The following GPR176 variants were observed in gnomAD, a reference collection of about 807,000 sequenced individuals.
GPR176 encodes G protein-coupled receptor 176.
In GPR176, 26 loss-of-function variants were observed where a neutral mutation model predicts 35.4. That is an observed-to-expected ratio of 0.74 (90% CI 0.54 to 1.02). The LOEUF (loss-of-function observed/expected upper bound fraction) is 1.02, where lower values mean the gene tolerates loss of function less well. Among genes scored for constraint, GPR176 ranks in the 50% least tolerant of loss-of-function variants. The pLI is 0.00. For missense variants in GPR176, 597 were observed against 665.3 expected, an observed-to-expected ratio of 0.90 and a Z score of 1.13; for synonymous variants, 278 against 271.3, an observed-to-expected ratio of 1.02 and a Z score of -0.24.
intron 1 of GPR176, among the ~76,000 whole-genome samples, chr15:39,843,928 TACG>T (rs758795572): frequency 1.8e-4 from 27 of 152,272 alleles, no homozygotes; most frequent in Non-Finnish European, 3.1e-4. Context: ...GTTAAACTGC[TACG>T]ACAATATTAT....
At chr15:39,814,310 T>A (rs1899757415) in intron 1 of GPR176, among the ~76,000 whole-genome samples, 1 of 152,248 alleles carries the variant, frequency 6.6e-6, no homozygotes. Flanking sequence ...CACCCTCTTC[T>A]GAAAACTGGG....
At chr15:39,855,801 A>T (rs2031177122) in intron 1 of GPR176, among the ~76,000 whole-genome samples, 1 of 152,226 alleles carries the variant, frequency 6.6e-6, no homozygotes, top group Non-Finnish European at 1.5e-5. Flanking sequence ...CTCTGATCAA[A>T]TAAAGACAGT....
At chr15:39,889,294 T>C (rs956961572) in intron 1 of GPR176, among the ~76,000 whole-genome samples, 2 of 152,178 alleles carry the variant, frequency 1.3e-5, no homozygotes, top group Non-Finnish European at 2.9e-5. Context: ...ACGCCTGTAA[T>C]CCCAACACTT....
At chr15:39,845,455 C>T (rs34111687) in intron 1 of GPR176, among the ~76,000 whole-genome samples, 43,551 of 150,862 alleles carry the variant, frequency 0.29, 7,133 homozygotes, top group Non-Finnish European at 0.38. Context: ...AGAAAAGGAG[C>T]GGCAGTACTA....
At chr15:39,835,494 A>G (rs961568917) in intron 1 of GPR176, among the ~76,000 whole-genome samples, 1 of 150,420 alleles carries the variant, frequency 6.6e-6, no homozygotes, top group Non-Finnish European at 1.5e-5. Context: ...GAGATAGTCC[A>G]GGACTGATTA....
In GPR176 at chr15:39,882,742, G is replaced by T. The variant is rs868502854; in HGVS notation, c.172+37113C>A. ...TTCAAGTGTGAATATAATCAGATCT[G>T]AGTATATGTTTTCTCAGCATGTTCT... On this transcript the variant is annotated intron_variant, in intron 1 of 2. Transcript: ENST00000561100. 3.3e-5 allele frequency among the ~76,000 whole-genome samples: 5 copies of T among 152,316 alleles called. No individual in the cohort carries two copies. The South Asian group carries it at 1.0e-3, about 32-fold the overall frequency.
intron 1 of GPR176, among the ~76,000 whole-genome samples, chr15:39,887,499 A>G (rs1440157062): frequency 6.6e-6 from 1 of 152,150 alleles, no homozygotes; most frequent in Non-Finnish European, 1.5e-5. Flanking sequence ...GGGCAAATGA[A>G]TCATTCATCC....
At chr15:39,811,178 TTG>T (rs1425819537) in intron 1 of GPR176, among the ~76,000 whole-genome samples, 2 of 152,082 alleles carry the variant, frequency 1.3e-5, no homozygotes, top group Non-Finnish European at 2.9e-5. Flanking sequence ...TTTAGAATAT[TTG>T]TGTTTTTAAT....
intron 1 of GPR176, among the ~76,000 whole-genome samples, chr15:39,876,884 CAG>C (rs1262327013): frequency 8.0e-5 from 12 of 149,532 alleles, no homozygotes; most frequent in East Asian, 2.0e-4. Context: ...GAGACAGAGA[CAG>C]AGAGAGAGAG....
At chr15:39,896,587 T>G (rs2033121157) in intron 1 of GPR176, among the ~76,000 whole-genome samples, 1 of 152,240 alleles carries the variant, frequency 6.6e-6, no homozygotes, top group South Asian at 2.1e-4. Context: ...TCTCTACTAT[T>G]TTATAATTAG....
At chr15:39,803,476 C>T (rs956306991) in intron 2 of GPR176, among the ~76,000 whole-genome samples, 24 of 151,728 alleles carry the variant, frequency 1.6e-4, no homozygotes, top group African/African-American at 4.6e-4. Context: ...GACGGAGTTT[C>T]GCCATGTTGG....
chr15:39,919,804 GC>G, intron 1 of GPR176, 50 bp downstream of exon 1: 1 of 1,343,154 alleles, frequency 7.4e-7, no homozygotes, highest in Non-Finnish European at 9.6e-7. Context: ...GGCTCTCCGA[GC>G]CTGTACCCTC....
intron 1 of GPR176, among the ~76,000 whole-genome samples, chr15:39,828,920 G>C (rs28565083): frequency 0.11 from 16,291 of 152,216 alleles, 1,212 homozygotes; most frequent in Admixed American, 0.24. Flanking sequence ...AGTAGATTTA[G>C]TGTGCTAACA....
Position 39,873,621 on chromosome 15 carries a change from CT to C in GPR176, c.172+46233del, listed in dbSNP as rs11446640. 3.7e-3 allele frequency among the ~76,000 whole-genome samples: 519 copies of C among 141,732 alleles called. 1 individual carries two copies. Among genetic ancestry groups the C allele is most frequent in the South Asian group, 8.4e-3 (38 of 4,498 alleles). 93.0% of individuals were successfully genotyped at this position (141,732 alleles called of 152,430 possible). A position where few individuals can be genotyped will look rare whatever the true frequency, so the allele number is the denominator to read the frequency against. ...CCAGCCATGGGCTAGTTTTTCTTTT[CT>C]TTTTTTTTTTTTGAGACTAGTTTTT... On this transcript the variant is annotated intron_variant, in intron 1 of 2. Transcript: ENST00000561100.
At chr15:39,890,109 C>G (rs1244824403) in intron 1 of GPR176, among the ~76,000 whole-genome samples, 1 of 152,020 alleles carries the variant, frequency 6.6e-6, no homozygotes, top group Non-Finnish European at 1.5e-5. Flanking sequence ...CCACGCCTGG[C>G]TTTTTTTAGA....
At chr15:39,912,364 C>A (rs895978956) in intron 1 of GPR176, among the ~76,000 whole-genome samples, 1 of 152,162 alleles carries the variant, frequency 6.6e-6, no homozygotes, top group South Asian at 2.1e-4. Flanking sequence ...CACCTGTAAT[C>A]CCAGCACTTT....
chr15:39,832,627 C>T (rs1435997699), intron 1 of GPR176, among the ~76,000 whole-genome samples: 10 of 147,780 alleles, frequency 6.8e-5, no homozygotes, highest in African/African-American at 4.9e-5. Context: ...ATAAAACATG[C>T]TAACGCTAAT....
chr15:39,890,024 T>TG (rs2032814190), intron 1 of GPR176, among the ~76,000 whole-genome samples: 1 of 152,224 alleles, frequency 6.6e-6, no homozygotes, highest in African/African-American at 2.4e-5. Flanking sequence ...TGAATGATGA[T>TG]ATTTTCATCA....
rs147241868 is a variant in GPR176, at chr15:39,915,945, T to C, written c.172+3910A>G. Among the ~76,000 whole-genome samples the C allele has an allele frequency of 1.7e-3, 260 of 152,358 alleles. 1 individual carries two copies. The highest frequency in any genetic ancestry group is 5.9e-3 in the African/African-American group (246 of 41,586). ...CATACTTGTGGGTTATTGCCCACCA[T>C]GTTAATTTTCTTTAAATAAAAGCAA... On this transcript the variant is annotated intron_variant, in intron 1 of 2. Coordinates refer to ENST00000561100, the MANE Select transcript of GPR176 (RefSeq NM_007223.3).
Sources: allele counts gnomAD v4.1 joint callset (sites outside exome capture counted in the v4.1 genomes callset), GRCh38; gene constraint gnomAD v4.1.1; transcripts MANE v1.5; gene names NCBI Gene and HGNC (gene_info 2026-07-23, HGNC 2026-07-21).